Variants in WWOX observed in about 807,000 individuals in gnomAD.
WWOX encodes the protein WW domain containing oxidoreductase.
Under a neutral mutation model 46.2 loss-of-function variants are expected in WWOX, and 69 were observed. The ratio of observed to expected loss-of-function variants is 1.49; its 90% CI spans 1.23 to 1.82. The LOEUF (loss-of-function observed/expected upper bound fraction) is 1.82. WWOX is among the 40% of genes most tolerant of loss of function. The pLI is 0.00. For synonymous variants in WWOX, 359 were observed against 202.6 expected, an observed-to-expected ratio of 1.77 and a Z score of -6.56; for missense variants, 919 against 542.6, an observed-to-expected ratio of 1.69 and a Z score of -6.89.
At chr16:79,145,153 A>T (rs571094369) in intron 8 of WWOX, among the ~76,000 whole-genome samples, 1 of 152,196 alleles carries the variant, frequency 6.6e-6, no homozygotes, top group Non-Finnish European at 1.5e-5. Context: ...TTAAATTTTC[A>T]TGTCATTTCT....
At chr16:78,572,830 A>G (rs2044751506) in intron 8 of WWOX, among the ~76,000 whole-genome samples, 1 of 152,092 alleles carries the variant, frequency 6.6e-6, no homozygotes, top group Admixed American at 6.5e-5. Flanking sequence ...GGCGAGAGAT[A>G]CACAGGGGAG....
At chr16:78,755,448 A>C (rs2049619508) in intron 8 of WWOX, among the ~76,000 whole-genome samples, 2 of 151,542 alleles carry the variant, frequency 1.3e-5, no homozygotes, top group African/African-American at 4.9e-5. Flanking sequence ...GTCTTGTGAT[A>C]CTGATTAATT....
chr16:78,586,527 T>C (rs1421746236), intron 8 of WWOX, among the ~76,000 whole-genome samples: 2 of 152,202 alleles, frequency 1.3e-5, no homozygotes, highest in Admixed American at 1.3e-4. Flanking sequence ...TCTAATTGAA[T>C]TCTCCAACAA....
At chr16:78,561,272 C>G (rs1205308914) in intron 8 of WWOX, among the ~76,000 whole-genome samples, 1 of 152,180 alleles carries the variant, frequency 6.6e-6, no homozygotes, top group Non-Finnish European at 1.5e-5. Context: ...CTCTGACTTT[C>G]CTTGACTTTG....
At chr16:78,289,984 G>C (rs973208163) in intron 5 of WWOX, among the ~76,000 whole-genome samples, 1 of 152,168 alleles carries the variant, frequency 6.6e-6, no homozygotes, top group Non-Finnish European at 1.5e-5. Flanking sequence ...ACATCAGCCC[G>C]TGAATTTAGT....
At chr16:78,814,147 C>T (rs1013459523) in intron 8 of WWOX, among the ~76,000 whole-genome samples, 1 of 152,210 alleles carries the variant, frequency 6.6e-6, no homozygotes, top group Non-Finnish European at 1.5e-5. Context: ...CGGCCAGATC[C>T]TCCCGCTGCC....
At chr16:78,745,759 C>A (rs2049333749) in intron 8 of WWOX, among the ~76,000 whole-genome samples, 1 of 151,456 alleles carries the variant, frequency 6.6e-6, no homozygotes, top group Non-Finnish European at 1.5e-5. Flanking sequence ...CCTCTTCCTC[C>A]TCTTTTTCCC....
intron 8 of WWOX, chr16:78,895,874 A>C (rs1016895925): frequency 1.3e-5 from 2 of 152,338 alleles, no homozygotes; most frequent in South Asian, 4.1e-4. Context: ...GATACAGTTC[A>C]TGAAACCTCA....
chr16:78,985,441 C>G (rs922000215), intron 8 of WWOX, among the ~76,000 whole-genome samples: 16 of 152,194 alleles, frequency 1.1e-4, no homozygotes, highest in Admixed American at 3.9e-4. Context: ...TAGTACAGAT[C>G]TCTCCCTGTC....
At chr16:78,207,774 A>T (rs2151783865) in intron 5 of WWOX, among the ~76,000 whole-genome samples, 1 of 152,046 alleles carries the variant, frequency 6.6e-6, no homozygotes, top group African/African-American at 2.4e-5. Flanking sequence ...AAAAAAAAAA[A>T]AAAAAGGGTC....
chr16:78,684,375 G>T (rs544514651), intron 8 of WWOX, among the ~76,000 whole-genome samples: 215 of 152,310 alleles, frequency 1.4e-3, no homozygotes, highest in Admixed American at 2.5e-3. Flanking sequence ...GTTTTCCTTA[G>T]CAGGGAGTGC....
chr16:78,334,833 TACAC>T (rs907694061), intron 5 of WWOX, among the ~76,000 whole-genome samples: 34 of 104,518 alleles, frequency 3.3e-4, no homozygotes, highest in South Asian at 2.5e-3. Context: ...CACACACACA[TACAC>T]ACACACACAC....
intron 8 of WWOX, among the ~76,000 whole-genome samples, chr16:79,000,448 C>G (rs1446271418): frequency 2.0e-5 from 3 of 152,034 alleles, no homozygotes; most frequent in Admixed American, 6.6e-5. Context: ...CTGGGTAGGC[C>G]CAGTCGAATC....
chr16:78,176,407 G>A (rs1457403481), intron 5 of WWOX, among the ~76,000 whole-genome samples: 1 of 152,134 alleles, frequency 6.6e-6, no homozygotes. Flanking sequence ...GCCTTCCCTG[G>A]AGTTAATGAA....
intron 5 of WWOX, among the ~76,000 whole-genome samples, chr16:78,382,355 G>C (rs556073395): frequency 6.6e-6 from 1 of 152,184 alleles, no homozygotes; most frequent in Non-Finnish European, 1.5e-5. Flanking sequence ...TCCACATGCC[G>C]TAGAGGCTGG....
At chr16:78,222,147 A>G (rs1458317305) in intron 5 of WWOX, among the ~76,000 whole-genome samples, 2 of 152,000 alleles carry the variant, frequency 1.3e-5, no homozygotes, top group African/African-American at 2.4e-5. Context: ...GAACAATGGC[A>G]TTTTCCTGCT....
intron 8 of WWOX, among the ~76,000 whole-genome samples, chr16:78,935,268 G>T (rs1191428956): frequency 6.6e-6 from 1 of 152,130 alleles, no homozygotes; most frequent in Non-Finnish European, 1.5e-5. Flanking sequence ...ATACCCAAAG[G>T]ATTATATATC....
intron 8 of WWOX, among the ~76,000 whole-genome samples, chr16:78,756,289 A>G (rs753646112): frequency 5.3e-5 from 8 of 152,110 alleles, no homozygotes; most frequent in Non-Finnish European, 1.2e-4. Flanking sequence ...GTTCACTGTC[A>G]AAACTGGGTT....
intron 6 of WWOX, among the ~76,000 whole-genome samples, chr16:78,394,084 G>T (rs544140932): frequency 3.3e-5 from 5 of 152,200 alleles, no homozygotes; most frequent in African/African-American, 9.6e-5. Context: ...TCCAAATTTT[G>T]TGGGATGAAT....
Sources: gnomAD v4.1 joint callset for allele counts (sites outside exome capture counted in the v4.1 genomes callset) on GRCh38, gnomAD v4.1.1 for gene constraint, MANE v1.5 for transcripts, NCBI Gene and HGNC (gene_info 2026-07-23, HGNC 2026-07-21) for gene names.